GPHN: variants seen among roughly 807,000 people sequenced by gnomAD.
GPHN encodes gephyrin.
GPHN carries 17 observed loss-of-function variants against 95.5 expected under a neutral mutation model. The ratio of observed to expected loss-of-function variants is 0.18; its 90% CI spans 0.12 to 0.27. The LOEUF is 0.27. Ranked by LOEUF, GPHN falls within the 10% of genes least tolerant of loss-of-function variation. GPHN has a pLI of 1.00. For missense variants in GPHN, 660 were observed against 978.1 expected, an observed-to-expected ratio of 0.67 and a Z score of 4.34; for synonymous variants, 320 against 322.5, an observed-to-expected ratio of 0.99 and a Z score of 0.08.
the GPHN span, chr14:67,380,566 T>C: frequency 1.8e-6 from 1 of 559,736 alleles, no homozygotes; most frequent in Non-Finnish European, 3.0e-6. Context: ...ATTATATGCT[T>C]AACTATTATA....
intron 9 of GPHN, among the ~76,000 whole-genome samples, chr14:67,006,721 A>T (rs966243353): frequency 1.3e-5 from 2 of 152,184 alleles, no homozygotes; most frequent in African/African-American, 4.8e-5. Context: ...ACTAGTAATC[A>T]TCAGTTGTGG....
At chr14:67,473,453 T>C in the GPHN span, 2 of 1,614,140 alleles carry the variant, frequency 1.2e-6, no homozygotes, top group Non-Finnish European at 1.7e-6. This position sits in a 1 kb window ranked among gnomAD's most constrained non-coding sequence, Gnocchi z 6.5. Flanking sequence ...TGGCCAGGGC[T>C]AGGGCGCCGC....
In GPHN at chr14:66,848,779, G is replaced by GA. The variant is rs200834489; in HGVS notation, c.294+24221dup. 2.1e-3 allele frequency among the ~76,000 whole-genome samples: 313 copies of GA among 151,160 alleles called. 1 individual carries two copies. Among genetic ancestry groups the GA allele is most frequent in the Non-Finnish European group, 2.1e-3 (143 of 67,574 alleles). On this transcript the variant is annotated intron_variant, in intron 4 of 22. Coordinates refer to ENST00000478722, the MANE Select transcript of GPHN (RefSeq NM_020806.5). Reference sequence around the variant, plus strand: ...TGGAAATAATACATGCTTTTTGCAAGAAAAAAAAGAATTTGGGGAAAATAT... The same window carrying GA: ...TGGAAATAATACATGCTTTTTGCAAGAAAAAAAAAGAATTTGGGGAAAATAT...
intron 11 of GPHN, among the ~76,000 whole-genome samples, chr14:67,064,932 T>A (rs1429488895): frequency 1.3e-5 from 2 of 152,234 alleles, no homozygotes; most frequent in African/African-American, 4.8e-5. Context: ...CTCTGTCTCC[T>A]TCAGTTCTGC....
At chr14:67,314,779 T>C in the GPHN span, among the ~76,000 whole-genome samples, 1 of 152,184 alleles carries the variant, frequency 6.6e-6, no homozygotes, top group South Asian at 2.1e-4. Flanking sequence ...CCATCAGAAT[T>C]AGACAGATTT....
the GPHN span, among the ~76,000 whole-genome samples, chr14:67,341,595 G>C: frequency 6.7e-6 from 1 of 149,720 alleles, no homozygotes; most frequent in African/African-American, 2.5e-5. Flanking sequence ...CAGCCACCCT[G>C]TCCGGGAGGT....
chr14:67,071,768 T>C (rs558792490), intron 11 of GPHN, among the ~76,000 whole-genome samples: 7 of 152,142 alleles, frequency 4.6e-5, no homozygotes, highest in Non-Finnish European at 8.8e-5. Flanking sequence ...TATGTTCCTA[T>C]ACATATTCAC....
Position 67,142,300 on chromosome 14 carries a change from A to G in GPHN, c.1749-1062A>G, listed in dbSNP as rs1041597661. Among the ~76,000 whole-genome samples the G allele has an allele frequency of 2.0e-5, 3 of 152,212 alleles. No individual in the cohort carries two copies. In the East Asian group the frequency reaches 5.8e-4, roughly 29 times the overall value. ...CGCATTGCCCAGTAGATTTGTATGG[A>G]TTTAAAGTAATAACTAAACAATCCC... On this transcript the variant is annotated intron_variant, in intron 17 of 22. Coordinates refer to ENST00000478722, the MANE Select transcript of GPHN (RefSeq NM_020806.5).
At chr14:67,663,674 A>AAAAT in the GPHN span, among the ~76,000 whole-genome samples, 72 of 152,304 alleles carry the variant, frequency 4.7e-4, 1 homozygote, top group African/African-American at 1.5e-3. Flanking sequence ...ACTCCATTTC[A>AAAAT]AAATAAATAA....
chr14:66,958,146 T>C (rs74056533), intron 8 of GPHN, among the ~76,000 whole-genome samples: 10,882 of 152,254 alleles, frequency 0.071, 949 homozygotes, highest in African/African-American at 0.2. Context: ...TTTTTCTCTC[T>C]TCATTATTAT....
At chr14:66,936,648 T>G (rs1271557666) in intron 8 of GPHN, among the ~76,000 whole-genome samples, 1 of 152,216 alleles carries the variant, frequency 6.6e-6, no homozygotes, top group Non-Finnish European at 1.5e-5. Context: ...TTATAACACT[T>G]AGAAGTATAA....
the GPHN span, among the ~76,000 whole-genome samples, chr14:67,258,960 A>G: frequency 6.6e-6 from 1 of 151,370 alleles, no homozygotes; most frequent in Non-Finnish European, 1.5e-5. Flanking sequence ...TTCCTGCCTC[A>G]CCCTCCCGAG....
At chr14:67,643,318 C>G in the GPHN span, among the ~76,000 whole-genome samples, 1 of 152,148 alleles carries the variant, frequency 6.6e-6, no homozygotes, top group East Asian at 1.9e-4. Flanking sequence ...TACAGAATTT[C>G]AAAGGAGGAA....
chr14:66,860,645 A>G lies in GPHN; in HGVS notation c.295-19294A>G, dbSNP rs563244370. ...AACTACTCTTATCTCAAGCAGAAAG[A>G]CTAAATAATAAACGAATCAACGATA... On this transcript the variant is annotated intron_variant, in intron 4 of 22. Coordinates refer to ENST00000478722, the MANE Select transcript of GPHN (RefSeq NM_020806.5). Among the ~76,000 whole-genome samples, 10 of 152,118 alleles carry G rather than the reference A, an allele frequency of 6.6e-5. No homozygotes were observed. The South Asian group carries it at 2.1e-3, about 32-fold the overall frequency.
the GPHN span, chr14:67,577,879 C>A: frequency 1.5e-6 from 1 of 678,860 alleles, no homozygotes; most frequent in East Asian, 2.7e-5. Flanking sequence ...CAGAGATGCC[C>A]TCCAACAGTA....
chr14:66,545,782 G>C (rs1193240095), intron 1 of GPHN, among the ~76,000 whole-genome samples: 1 of 148,020 alleles, frequency 6.8e-6, no homozygotes, highest in African/African-American at 2.5e-5. Flanking sequence ...GCCGGGCAGA[G>C]GGGCTCCTCA....
chr14:66,603,188 A>G (rs2062341030), intron 1 of GPHN, among the ~76,000 whole-genome samples: 1 of 151,932 alleles, frequency 6.6e-6, no homozygotes, highest in Non-Finnish European at 1.5e-5. Flanking sequence ...GGATTTTGAA[A>G]TCTTTTAACT....
the GPHN span, among the ~76,000 whole-genome samples, chr14:67,262,697 C>T: frequency 6.6e-6 from 1 of 152,036 alleles, no homozygotes; most frequent in Non-Finnish European, 1.5e-5. Flanking sequence ...ACTCAGAAAC[C>T]TTTAGTCTCC....
At chr14:66,874,904 A>G (rs1281632701) in intron 4 of GPHN, among the ~76,000 whole-genome samples, 2 of 152,132 alleles carry the variant, frequency 1.3e-5, no homozygotes, top group Non-Finnish European at 2.9e-5. Flanking sequence ...GGAAATACAA[A>G]GAACACCACA....
Sources: allele counts gnomAD v4.1 joint callset (sites outside exome capture counted in the v4.1 genomes callset), GRCh38; gene constraint gnomAD v4.1.1; non-coding constraint Gnocchi (gnomAD v3.1); transcripts MANE v1.5; gene names NCBI Gene and HGNC (gene_info 2026-07-23, HGNC 2026-07-21).